BIN1: variants seen among roughly 807,000 people sequenced by gnomAD.
BIN1 encodes bridging integrator 1, also known as myc box-dependent-interacting protein 1.
A neutral mutation model predicts 82.0 loss-of-function variants in BIN1; 53 were observed. The observed-to-expected ratio is 0.65, with a 90% CI of 0.52 to 0.81. The LOEUF (loss-of-function observed/expected upper bound fraction) is 0.81. Ranked by LOEUF, BIN1 falls within the 40% of genes least tolerant of loss-of-function variation. The pLI, the probability that BIN1 is intolerant of heterozygous loss-of-function variation, is 0.00. For synonymous variants in BIN1, 302 were observed against 328.0 expected (o/e 0.92, Z 0.86); for missense variants, 642 against 784.4 (o/e 0.82, Z 2.17).
chr2:127,053,793 G>A, intron 13 of BIN1, 112 bp downstream of exon 13: 3 of 1,041,710 alleles, frequency 2.9e-6, no homozygotes, highest in Non-Finnish European at 2.9e-6. Context: ...GGTGCCAGGG[G>A]AAGGGCAGTG....
chr2:127,088,161 C>T lies in BIN1; in HGVS notation c.85-11455G>A, dbSNP rs369317021. On this transcript the variant is annotated intron_variant, in intron 1 of 18. Transcript: ENST00000316724. The stretch of plus-strand genomic sequence containing the variant: ...TCACACTGTGGGTGAGCTGGCCAGA[C>T]GCAGGAGGGATCTTCTCATAACTCA... Among the ~76,000 whole-genome samples, 16 of 152,302 alleles carry T rather than the reference C, an allele frequency of 1.1e-4. No homozygotes were observed. In the East Asian group the frequency reaches 1.4e-3, roughly 13 times the overall value.
intron 1 of BIN1, among the ~76,000 whole-genome samples, chr2:127,105,503 T>TCCTCCTCCTCCTCCTCCG: frequency 1.4e-5 from 2 of 137,938 alleles, no homozygotes; most frequent in South Asian, 2.7e-4. Flanking sequence ...CTCCTCCTCC[T>TCCTCCTCCTCCTCCTCCG]TCCCTGGGGT....
rs1190791276 is a variant in BIN1 at position 127,051,219 on chromosome 2, C to T, written c.1396G>A (p.Gly466Ser). Residue 466 changes from glycine to serine, a missense_variant, in exon 16 of 19, where the codon GGT (glycine) becomes AGT (serine). By Grantham distance (56) the Gly-to-Ser change is moderately conservative (BLOSUM62 0). Transcript: ENST00000316724. ...AQPAEASEVAGGTQPAAGAQE... is the reference protein window; with the variant it reads ...AQPAEASEVASGTQPAAGAQE... ...GCTCCAGCCGCAGGTTGGGTCCCAC[C>T]CGCCACCTCCGAGGCCTCTGCTGGC... is the stretch of plus-strand genomic sequence containing the variant. The T allele has an allele frequency of 6.2e-7, 1 of 1,613,656 alleles. No individual in the cohort carries two copies. The highest frequency in any genetic ancestry group is 1.3e-5 in the African/African-American group (1 of 74,926).
At chr2:127,065,644 C>G (rs996337924) in intron 7 of BIN1, among the ~76,000 whole-genome samples, 4 of 152,174 alleles carry the variant, frequency 2.6e-5, no homozygotes, top group Non-Finnish European at 5.9e-5. Context: ...CTAGGACCCC[C>G]TCTCCATGAG....
chr2:127,088,333 A>C (rs561148237), intron 1 of BIN1, among the ~76,000 whole-genome samples: 13 of 152,224 alleles, frequency 8.5e-5, no homozygotes, highest in Admixed American at 3.3e-4. Context: ...CCCTGGTGGC[A>C]GTGTGCCTGG....
chr2:127,081,069 T>C (rs1346568417), intron 1 of BIN1, among the ~76,000 whole-genome samples: 3 of 152,162 alleles, frequency 2.0e-5, no homozygotes, highest in Non-Finnish European at 4.4e-5. Context: ...AGCCGCTCCC[T>C]GTGGGTACAG....
chr2:127,103,547 C>A (rs1324765088), intron 1 of BIN1, among the ~76,000 whole-genome samples: 1 of 152,174 alleles, frequency 6.6e-6, no homozygotes, highest in Non-Finnish European at 1.5e-5. Flanking sequence ...ACACTCCCAC[C>A]CTGCCAGAGC....
At chr2:127,063,830 A>ACACCGCAGCACGCAGGCTGGG (rs1558821086) in intron 8 of BIN1, 103 bp downstream of exon 8, 53 of 1,454,276 alleles carry the variant, frequency 3.6e-5, no homozygotes, top group Admixed American at 2.7e-4. Flanking sequence ...CGCAGACTGG[A>ACACCGCAGCACGCAGGCTGGG]CACCGCAGCA....
At position 127,048,582 on chromosome 2, in the gene BIN1, C is replaced by A. The variant is rs762739; in HGVS notation, c.1726G>T (p.Glu576Ter). 13 of 1,613,826 alleles carry A rather than the reference C, an allele frequency of 8.1e-6. No individual in the cohort carries two copies. Among genetic ancestry groups the A allele is most frequent in the Non-Finnish European group, 1.0e-5 (12 of 1,180,034 alleles). ...AAGACGCCACGGCACTTCTCCAGCT[C>A]CTTGTGCTGGTTCCAGTCGCTCTCC... ...VKESDWNQHK[E>*]LEKCRGVFPE... The change falls in exon 19 of 19, where the codon GAG (glutamate) becomes TAG (stop). Residue 576 changes from glutamate (E) to a stop codon, truncating the protein, a stop_gained. Coordinates refer to ENST00000316724, the MANE Select transcript of BIN1 (RefSeq NM_139343.3). LOFTEE classifies it high-confidence loss of function.
intron 1 of BIN1, among the ~76,000 whole-genome samples, chr2:127,101,010 G>GGGGGGGT (rs71393837): frequency 7.2e-6 from 1 of 139,694 alleles, no homozygotes; most frequent in African/African-American, 2.8e-5. Flanking sequence ...GGGGGGTGGG[G>GGGGGGGT]ATAGACTCAA....
At chr2:127,051,432 C>A (rs2104870137) in intron 15 of BIN1, among the ~76,000 whole-genome samples, 189 bp from the exon 16 acceptor site, 1 of 152,260 alleles carries the variant, frequency 6.6e-6, no homozygotes, top group East Asian at 1.9e-4. Flanking sequence ...GGGCCCTGGG[C>A]CGGGGAAGCA....
chr2:127,053,503 G>A (rs1215280198), intron 13 of BIN1, 58 bp from the exon 14 acceptor site: 1 of 1,600,434 alleles, frequency 6.2e-7, no homozygotes, highest in Admixed American at 1.7e-5. Flanking sequence ...AGACAGGGCG[G>A]CAAGCAGTCC....
At position 127,082,385 on chromosome 2, in the gene BIN1, C is replaced by T. The variant is rs1392905191; in HGVS notation, c.85-5679G>A. 6.6e-6 allele frequency among the ~76,000 whole-genome samples: 1 copy of T among 152,208 alleles called. No homozygotes were observed. Among genetic ancestry groups the T allele is most frequent in the Non-Finnish European group, 1.5e-5 (1 of 68,034 alleles). ...ATGGCCAGCTGAAGGCCTCCGTGGT[C>T]ACAAGCTCTGAGGCCTTGCAGGCAC... On this transcript the variant is annotated intron_variant, in intron 1 of 18. Transcript: ENST00000316724. This position sits in a 1 kb window ranked among gnomAD's most constrained non-coding sequence, Gnocchi z 6.1.
At chr2:127,061,016 G>A (rs1278773506) in intron 10 of BIN1, among the ~76,000 whole-genome samples, 4 of 152,160 alleles carry the variant, frequency 2.6e-5, no homozygotes, top group African/African-American at 9.7e-5. Flanking sequence ...AGACTCCTGG[G>A]CCTCTACTGC....
chr2:127,067,137 C>T lies in BIN1; in HGVS notation c.612+1026G>A, dbSNP rs1475715978. Among the ~76,000 whole-genome samples the T allele has an allele frequency of 6.6e-6, 1 of 151,646 alleles. No homozygotes were observed. Among genetic ancestry groups the T allele is most frequent in the East Asian group, 1.9e-4 (1 of 5,190 alleles). The stretch of plus-strand genomic sequence containing the variant: ...TGCCAAGCCCACCCAGAGCTCTCCA[C>T]GTCACAGGCACTCAATGAAGATGAT... On this transcript the variant is annotated intron_variant, in intron 7 of 18. Transcript: ENST00000316724. This position sits in a 1 kb window ranked among gnomAD's most constrained non-coding sequence, Gnocchi z 4.7.
At chr2:127,089,354 G>A (rs1298483202) in intron 1 of BIN1, among the ~76,000 whole-genome samples, 13 of 152,192 alleles carry the variant, frequency 8.5e-5, no homozygotes, top group Admixed American at 8.5e-4. Flanking sequence ...AAGCTCCCAG[G>A]CTGGCGCGTG....
chr2:127,092,684 T>A (rs2105286056), intron 1 of BIN1, among the ~76,000 whole-genome samples: 1 of 152,238 alleles, frequency 6.6e-6, no homozygotes, highest in Middle Eastern at 3.4e-3. Flanking sequence ...GCAGTCCCAG[T>A]CATCATCTAG....
chr2:127,053,602 G>A, intron 13 of BIN1, 157 bp from the exon 14 acceptor site: 1 of 1,002,532 alleles, frequency 1.0e-6, no homozygotes, highest in South Asian at 1.4e-5. Context: ...AGATTTGCAG[G>A]TGGCCGAGCT....
In BIN1 at chr2:127,090,026, C is replaced by T. The variant is rs1314512001; in HGVS notation, c.85-13320G>A. ...TCACATAAGCCTTCCCCGCACCTGCCGCCCAGTGCACCTGCTCCTGCGGCT... is the reference window on the plus strand; with the variant it reads ...TCACATAAGCCTTCCCCGCACCTGCTGCCCAGTGCACCTGCTCCTGCGGCT... On this transcript the variant is annotated intron_variant, in intron 1 of 18. Transcript: ENST00000316724. The surrounding 1 kb of genome is among the most constrained non-coding windows in gnomAD (Gnocchi z 6.4). Among the ~76,000 whole-genome samples, 4 of 151,800 alleles carry T rather than the reference C, an allele frequency of 2.6e-5. No homozygotes were observed. The highest frequency in any genetic ancestry group is 2.1e-4 in the South Asian group (1 of 4,778).
Sources: allele counts gnomAD v4.1 joint callset (sites outside exome capture counted in the v4.1 genomes callset), GRCh38; gene constraint gnomAD v4.1.1; non-coding constraint Gnocchi (gnomAD v3.1); transcripts MANE v1.5; gene names NCBI Gene and HGNC (gene_info 2026-07-23, HGNC 2026-07-21).